Variants in WDFY3 observed in about 807,000 individuals in gnomAD.
WDFY3 encodes WD repeat and FYVE domain-containing protein 3.
A neutral mutation model predicts 409.6 loss-of-function variants in WDFY3; 66 were observed. The observed-to-expected ratio is 0.16, with a 90% CI of 0.13 to 0.20. The LOEUF (loss-of-function observed/expected upper bound fraction) is 0.20. WDFY3 is among the 10% of genes least tolerant of loss of function. The pLI, the probability that WDFY3 is intolerant of heterozygous loss-of-function variation, is 1.00. For missense variants in WDFY3, 3,031 were observed against 4,298.1 expected, an observed-to-expected ratio of 0.71 and a Z score of 8.24; for synonymous variants, 1,521 against 1,537.1, an observed-to-expected ratio of 0.99 and a Z score of 0.25.
intron 1 of WDFY3, among the ~76,000 whole-genome samples, chr4:84,963,331 C>T (rs779307508): frequency 1.1e-4 from 16 of 150,232 alleles, no homozygotes; most frequent in South Asian, 2.1e-4. Context: ...GGCTGAGGCA[C>T]GAGAATCTCT....
Position 84,753,792 on chromosome 4 carries a change from C to A in WDFY3, c.5644G>T (p.Val1882Leu). 1 of 1,612,034 alleles carries A rather than the reference C, an allele frequency of 6.2e-7. No homozygotes were observed. Among genetic ancestry groups the A allele is most frequent in the Non-Finnish European group, 8.5e-7 (1 of 1,179,134 alleles). ...MQFFRYLYHNVPDLASMWMSP... is the reference protein window; with the variant it reads ...MQFFRYLYHNLPDLASMWMSP... ...ATCCACATGGAGGCAAGGTCTGGCA[C>A]GTTGTGATACAAATATCTGAAGAAC... The change falls in exon 35 of 68, where the codon GTG becomes TTG. Residue 1882 changes from valine (V) to leucine (L), a missense_variant. This residue lies in a region of WDFY3 where 342 missense variants were observed against 463.7 expected (regional missense o/e 0.74). Coordinates refer to ENST00000295888, the MANE Select transcript of WDFY3 (RefSeq NM_014991.6).
chr4:84,884,544 A>C (rs1763933499), intron 3 of WDFY3, among the ~76,000 whole-genome samples: 1 of 152,198 alleles, frequency 6.6e-6, no homozygotes, highest in African/African-American at 2.4e-5. Flanking sequence ...AAATTGATCA[A>C]GAATTAACAA....
intron 2 of WDFY3, among the ~76,000 whole-genome samples, chr4:84,918,578 T>C (rs1404703990): frequency 6.6e-6 from 1 of 152,110 alleles, no homozygotes; most frequent in Admixed American, 6.6e-5. Context: ...ATGTTGTTTT[T>C]GTTTTTAGTG....
intron 3 of WDFY3, among the ~76,000 whole-genome samples, chr4:84,875,517 T>C (rs549678594): frequency 6.6e-6 from 1 of 152,304 alleles, no homozygotes; most frequent in East Asian, 1.9e-4. Context: ...AAAATATGTT[T>C]CTTTCTCCAA....
chr4:84,942,810 T>C (rs1366061884), intron 1 of WDFY3, among the ~76,000 whole-genome samples: 14 of 152,362 alleles, frequency 9.2e-5, no homozygotes, highest in Non-Finnish European at 1.0e-4. Context: ...TTCTGGTTCA[T>C]ATCCTTTGCC....
intron 23 of WDFY3, among the ~76,000 whole-genome samples, chr4:84,787,156 C>T (rs896288787): frequency 2.0e-5 from 3 of 152,082 alleles, no homozygotes; most frequent in Non-Finnish European, 4.4e-5. Flanking sequence ...GGTGGCTATA[C>T]TTTAAACTGC....
At chr4:84,796,784 T>C (rs779328470) in intron 18 of WDFY3, 32 bp from the exon 19 acceptor site, 10 of 1,536,246 alleles carry the variant, frequency 6.5e-6, no homozygotes, top group Middle Eastern at 3.6e-4. Context: ...TGGGAAAATG[T>C]CATATGGAAT....
At chr4:84,841,408 A>G in intron 5 of WDFY3, 145 bp from the exon 6 acceptor site, 1 of 652,184 alleles carries the variant, frequency 1.5e-6, no homozygotes, top group South Asian at 2.0e-5. Flanking sequence ...TAAAAATAGC[A>G]ATGTTTTAAT....
At position 84,878,646 on chromosome 4, in the gene WDFY3, C is replaced by A. The variant is rs1402611335; in HGVS notation, c.-31-18024G>T. Reference sequence around the variant, plus strand: ...TATACATAATGATGTTGACATGGTTCGAAATGCTTTAAAAAATTCCTCTCT... The same window carrying A: ...TATACATAATGATGTTGACATGGTTAGAAATGCTTTAAAAAATTCCTCTCT... On this transcript the variant is annotated intron_variant, in intron 3 of 67. Coordinates refer to ENST00000295888, the MANE Select transcript of WDFY3 (RefSeq NM_014991.6). Among the ~76,000 whole-genome samples the A allele has an allele frequency of 2.0e-5, 3 of 152,048 alleles. No homozygotes were observed. In the South Asian group the frequency reaches 6.2e-4, roughly 32 times the overall value.
Position 84,696,104 on chromosome 4 carries a change from C to T in WDFY3, c.8767G>A (p.Ala2923Thr). The change falls in exon 58 of 68, where the codon GCT becomes ACT. Residue 2923 changes from alanine to threonine, a missense_variant. Ala to Thr is a moderately conservative substitution (Grantham distance 58, BLOSUM62 0). Coordinates refer to ENST00000295888, the MANE Select transcript of WDFY3 (RefSeq NM_014991.6). The stretch of plus-strand genomic sequence containing the variant: ...AAGACATTTACAGCTTCTACTGCAG[C>T]AGGGCCTTGCTGTTTATAACCGAAG... Reference protein sequence around the residue: ...LIFGYKQQGPAAVEAVNVFHH... With the variant: ...LIFGYKQQGPTAVEAVNVFHH... 6.2e-7 allele frequency: 1 copy of T among 1,614,142 alleles called. No homozygotes were observed. The highest frequency in any genetic ancestry group is 8.5e-7 in the Non-Finnish European group (1 of 1,180,022).
chr4:84,812,388 C>T (rs549482964), intron 13 of WDFY3, among the ~76,000 whole-genome samples: 1 of 152,048 alleles, frequency 6.6e-6, no homozygotes, highest in African/African-American at 2.4e-5. Flanking sequence ...ATAACACAGG[C>T]TGAAGATGGC....
At chr4:84,683,297 G>C (rs1271841253) in intron 63 of WDFY3, among the ~76,000 whole-genome samples, 1 of 152,146 alleles carries the variant, frequency 6.6e-6, no homozygotes, top group Non-Finnish European at 1.5e-5. Context: ...TTCAACATGT[G>C]ACTCTGACTA....
chr4:84,809,829 A>G lies in WDFY3; in HGVS notation c.2345+58T>C, dbSNP rs752071313. Reference sequence around the variant, plus strand: ...GGATTAACTCATAATTCAAGTCTTAATGTTGAAGTCATGCTTAGTATACAC... The same window carrying G: ...GGATTAACTCATAATTCAAGTCTTAGTGTTGAAGTCATGCTTAGTATACAC... On this transcript the variant is annotated intron_variant, in intron 14 of 67. Transcript: ENST00000295888. 8.3e-6 allele frequency: 12 copies of G among 1,448,958 alleles called. No homozygotes were observed. In the Admixed American group the frequency reaches 1.1e-4, roughly 13 times the overall value. The allele number at this position is 1,448,958 out of a possible 1,614,324, so 89.8% of individuals were successfully genotyped here.
At chr4:84,749,934 T>C (rs528292190) in intron 36 of WDFY3, among the ~76,000 whole-genome samples, 3 of 152,258 alleles carry the variant, frequency 2.0e-5, no homozygotes, top group Non-Finnish European at 2.9e-5. Flanking sequence ...CTAAAAAATA[T>C]AGAAAACAAA....
At chr4:84,764,632 C>T (rs1222408667) in intron 32 of WDFY3, among the ~76,000 whole-genome samples, 1 of 151,832 alleles carries the variant, frequency 6.6e-6, no homozygotes, top group Non-Finnish European at 1.5e-5. Flanking sequence ...GAGGCGAAGG[C>T]GGGTGGATCA....
intron 42 of WDFY3, among the ~76,000 whole-genome samples, chr4:84,735,538 G>A (rs1737299443): frequency 6.6e-6 from 1 of 152,198 alleles, no homozygotes; most frequent in South Asian, 2.1e-4. Flanking sequence ...CAGCACTGCA[G>A]CCTGACTTTT....
intron 7 of WDFY3, among the ~76,000 whole-genome samples, chr4:84,833,668 AAAG>A (rs1756097663): frequency 6.6e-6 from 1 of 150,446 alleles, no homozygotes; most frequent in South Asian, 2.1e-4. Flanking sequence ...GAGAAAAAGA[AAAG>A]AAAAGAAAAG....
At chr4:84,890,318 T>C (rs891706880) in intron 3 of WDFY3, among the ~76,000 whole-genome samples, 4 of 152,226 alleles carry the variant, frequency 2.6e-5, no homozygotes, top group African/African-American at 9.6e-5. Flanking sequence ...CAGGCTGGTC[T>C]TGAACTCCTG....
In WDFY3 at chr4:84,821,029, TTC is replaced by T. The variant is rs558728169; in HGVS notation, c.1591+53_1591+54del. ...AAAGAATGGGAACAAGAACAAAAAA[TTC>T]TCTGTTTTGAACCCCTTTTCAAATA... On this transcript the variant is annotated intron_variant, in intron 11 of 67. Coordinates refer to ENST00000295888, the MANE Select transcript of WDFY3 (RefSeq NM_014991.6). 2.7e-3 allele frequency: 3,927 copies of T among 1,445,948 alleles called. 7 individuals carry two copies. The highest frequency in any genetic ancestry group is 3.4e-3 in the Non-Finnish European group (3,638 of 1,080,344). 89.6% of individuals were successfully genotyped at this position (1,445,948 alleles called of 1,614,324 possible). A position where few individuals can be genotyped will look rare whatever the true frequency, so the allele number is the denominator to read the frequency against.
Sources: allele counts gnomAD v4.1 joint callset (sites outside exome capture counted in the v4.1 genomes callset), GRCh38; gene constraint gnomAD v4.1.1; regional missense constraint gnomAD v4.1.1; transcripts MANE v1.5; gene names NCBI Gene and HGNC (gene_info 2026-07-23, HGNC 2026-07-21).